PGR: variants seen among roughly 807,000 people sequenced by gnomAD.
PGR encodes nuclear receptor subfamily 3 group C member 3.
Under a neutral mutation model 76.1 loss-of-function variants are expected in PGR, and 25 were observed. The observed-to-expected ratio is 0.33, with a 90% CI of 0.24 to 0.46. The LOEUF (loss-of-function observed/expected upper bound fraction) is 0.46, where lower values mean the gene tolerates loss of function less well. Among genes scored for constraint, PGR ranks in the 20% least tolerant of loss-of-function variants. PGR has a pLI of 1.00. For synonymous variants in PGR, 579 were observed against 535.0 expected, an observed-to-expected ratio of 1.08 and a Z score of -1.14; for missense variants, 1,172 against 1,225.3, an observed-to-expected ratio of 0.96 and a Z score of 0.65.
chr11:101,121,059 G>A (rs1028389465), intron 2 of PGR, among the ~76,000 whole-genome samples: 20 of 152,134 alleles, frequency 1.3e-4, no homozygotes, highest in African/African-American at 4.8e-4. Context: ...AATGTAAAGT[G>A]GTGCTTAAAA....
At chr11:101,059,030 A>T (rs1390984648) in intron 4 of PGR, among the ~76,000 whole-genome samples, 1 of 151,280 alleles carries the variant, frequency 6.6e-6, no homozygotes, top group Non-Finnish European at 1.5e-5. Context: ...TTACTAAGGG[A>T]CCCCCCACAC....
intron 6 of PGR, among the ~76,000 whole-genome samples, 171 bp from the exon 7 acceptor site, chr11:101,042,273 C>T (rs1190354288): frequency 6.6e-6 from 1 of 152,022 alleles, no homozygotes; most frequent in African/African-American, 2.4e-5. Context: ...AATATCAGGA[C>T]ATATAAACTT....
chr11:101,059,486 G>C (rs1341863630), intron 4 of PGR, among the ~76,000 whole-genome samples: 3 of 152,004 alleles, frequency 2.0e-5, no homozygotes, highest in Non-Finnish European at 2.9e-5. Flanking sequence ...TGTATCCTAA[G>C]AGATGGTTTA....
intron 2 of PGR, among the ~76,000 whole-genome samples, chr11:101,099,113 C>A (rs1354497835): frequency 6.6e-6 from 1 of 152,102 alleles, no homozygotes; most frequent in African/African-American, 2.4e-5. Flanking sequence ...AAGATTTGTA[C>A]AAGAATATTT....
rs1206544348 is a variant in PGR, at chr11:101,127,377, C to T, written c.1637+57G>A. ...GGGGCTGAGGGTTGGCGGCCGCCGC[C>T]GCCAACGGAACCGCTACTCCCGGAC... is the stretch of plus-strand genomic sequence containing the variant. On this transcript the variant is annotated intron_variant, in intron 1 of 7. Transcript: ENST00000325455. The T allele has an allele frequency of 3.0e-6, 4 of 1,345,684 alleles. No individual in the cohort carries two copies. In the Admixed American group the frequency reaches 1.2e-4, roughly 39 times the overall value. 83.4% of individuals were successfully genotyped at this position (1,345,684 alleles called of 1,614,324 possible). A position where few individuals can be genotyped will look rare whatever the true frequency, so the allele number is the denominator to read the frequency against.
chr11:101,056,116 G>C (rs769559550), intron 4 of PGR, among the ~76,000 whole-genome samples: 1 of 151,866 alleles, frequency 6.6e-6, no homozygotes, highest in African/African-American at 2.4e-5. Context: ...GGAACACAGA[G>C]ATTAAATTCC....
At chr11:101,091,616 G>T in intron 3 of PGR, 144 bp downstream of exon 3, 1 of 668,680 alleles carries the variant, frequency 1.5e-6, no homozygotes, top group Non-Finnish European at 2.7e-6. Context: ...GCTTCATTCA[G>T]ACACTCACAT....
intron 2 of PGR, among the ~76,000 whole-genome samples, chr11:101,112,642 G>T (rs928711537): frequency 6.6e-6 from 1 of 152,154 alleles, no homozygotes; most frequent in African/African-American, 2.4e-5. Context: ...CAGAAGCCAT[G>T]GAGAATGAGG....
intron 3 of PGR, chr11:101,063,022 A>G (rs1300972672): frequency 2.9e-6 from 1 of 348,250 alleles, no homozygotes; most frequent in Non-Finnish European, 5.3e-6. Context: ...GGGTAATTAT[A>G]CCAGTATTCT....
In PGR at chr11:101,094,921, T is replaced by C. The variant is rs1320670430; in HGVS notation, c.1790-3045A>G. On this transcript the variant is annotated intron_variant, in intron 2 of 7. Coordinates refer to ENST00000325455, the MANE Select transcript of PGR (RefSeq NM_000926.4). ...TTGAGGGAGTGAATTTGGTCCTTTT[T>C]ATCCTTTCTGCCATGTGAGGATGCA... Among the ~76,000 whole-genome samples the C allele has an allele frequency of 2.6e-5, 4 of 152,170 alleles. No homozygotes were observed. The East Asian group carries it at 5.8e-4, about 22-fold the overall frequency.
At chr11:101,080,917 C>T in intron 3 of PGR, among the ~76,000 whole-genome samples, 1 of 151,964 alleles carries the variant, frequency 6.6e-6, no homozygotes, top group East Asian at 1.9e-4. Context: ...CTAACCCAAT[C>T]TGATAAAAAT....
At chr11:101,081,863 G>A (rs1301675224) in intron 3 of PGR, among the ~76,000 whole-genome samples, 1 of 152,088 alleles carries the variant, frequency 6.6e-6, no homozygotes, top group East Asian at 1.9e-4. Flanking sequence ...AAACAACAAA[G>A]CAAACAGCTA....
Position 101,038,961 on chromosome 11 carries a change from T to G in PGR, c.*155A>C. ...ATTATACTTTATAAAAGAAAATAAT[T>G]AGAACCTCACAATTTTTCTTTTAAA... On this transcript the variant is annotated 3_prime_UTR_variant, in exon 8 of 8. Coordinates refer to ENST00000325455, the MANE Select transcript of PGR (RefSeq NM_000926.4). 1.7e-6 allele frequency: 1 copy of G among 574,134 alleles called. No individual in the cohort carries two copies. Among genetic ancestry groups the G allele is most frequent in the South Asian group, 2.3e-5 (1 of 43,498 alleles). The allele number at this position is 574,134 out of a possible 1,614,324, so 35.6% of individuals were successfully genotyped here.
chr11:101,081,668 G>A (rs1251591530), intron 3 of PGR, among the ~76,000 whole-genome samples: 1 of 152,126 alleles, frequency 6.6e-6, no homozygotes, highest in East Asian at 1.9e-4. Context: ...TGCTTCATAA[G>A]TGCAGGACAA....
intron 3 of PGR, among the ~76,000 whole-genome samples, chr11:101,070,825 G>A (rs1860906736): frequency 6.6e-6 from 1 of 152,208 alleles, no homozygotes; most frequent in Non-Finnish European, 1.5e-5. Context: ...GCCCCAGTCA[G>A]GGGCTTATAC....
At position 101,129,032 on chromosome 11, in the gene PGR, G is replaced by GC; in HGVS notation, c.38_39insG (p.His13GlnfsTer35). On this transcript the variant is annotated frameshift_variant, in exon 1 of 8. Transcript: ENST00000325455. LOFTEE classifies it high-confidence loss of function. ...CGGGGGAGGGCGGGCCGCCCGCCACGTGGGGAGCCCGGGGACCCTTTGCCT... is the reference window on the plus strand; with the variant it reads ...CGGGGGAGGGCGGGCCGCCCGCCACGCTGGGGAGCCCGGGGACCCTTTGCCT... 1 of 1,567,182 alleles carries GC rather than the reference G, an allele frequency of 6.4e-7. No individual in the cohort carries two copies.
chr11:101,042,520 T>C (rs1175311410), intron 6 of PGR, among the ~76,000 whole-genome samples: 2 of 152,210 alleles, frequency 1.3e-5, no homozygotes, highest in African/African-American at 4.8e-5. Flanking sequence ...AGTAAACTTT[T>C]GTCTTCTTTA....
rs767094365 is a variant in PGR at position 101,127,906 on chromosome 11, C to G, written c.1165G>C (p.Glu389Gln). Residue 389 changes from glutamate (E) to glutamine (Q), a missense_variant, in exon 1 of 8, where the codon GAG becomes CAG. By Grantham distance (29) the Glu-to-Gln change is conservative. Transcript: ENST00000325455. Reference sequence around the variant, plus strand: ...GAGGCCTCCGCGCCTTCCTCCTCCTCCTTTATCTTTAGAGCGGGCGGCTGG... The same window carrying G: ...GAGGCCTCCGCGCCTTCCTCCTCCTGCTTTATCTTTAGAGCGGGCGGCTGG... ...DFQPPALKIK[E>Q]EEEGAEASAR... 6.2e-7 allele frequency: 1 copy of G among 1,610,506 alleles called. No individual in the cohort carries two copies. Among genetic ancestry groups the G allele is most frequent in the African/African-American group, 1.3e-5 (1 of 75,000 alleles).
At chr11:101,100,469 G>A (rs541562) in intron 2 of PGR, among the ~76,000 whole-genome samples, 15 of 152,036 alleles carry the variant, frequency 9.9e-5, no homozygotes, top group Admixed American at 1.3e-4. Flanking sequence ...AGACTAATAC[G>A]GTTAGTGGAA....
Sources: allele counts gnomAD v4.1 joint callset (sites outside exome capture counted in the v4.1 genomes callset), GRCh38; gene constraint gnomAD v4.1.1; transcripts MANE v1.5; gene names NCBI Gene and HGNC (gene_info 2026-07-23, HGNC 2026-07-21).